ADGB: variants seen among roughly 807,000 people sequenced by gnomAD.
The protein encoded by ADGB is calpain-7-like protein.
In ADGB, 172 loss-of-function variants were observed where a neutral mutation model predicts 210.5. The ratio of observed to expected loss-of-function variants is 0.82; its 90% CI spans 0.72 to 0.93. ADGB has a LOEUF of 0.93. Among genes scored for constraint, ADGB ranks in the 40% least tolerant of loss-of-function variants. The pLI, the probability that ADGB is intolerant of heterozygous loss-of-function variation, is 0.00. For missense variants in ADGB, 2,025 were observed against 1,964.8 expected, an observed-to-expected ratio of 1.03 and a Z score of -0.58; for synonymous variants, 658 against 662.7, an observed-to-expected ratio of 0.99 and a Z score of 0.11.
At chr6:146,642,749 G>C (rs1402229877) in intron 2 of ADGB, among the ~76,000 whole-genome samples, 1 of 151,732 alleles carries the variant, frequency 6.6e-6, no homozygotes, top group Non-Finnish European at 1.5e-5. Flanking sequence ...ACAGACACTG[G>C]GATCTACTTG....
chr6:146,756,704 C>G (rs1777410746), intron 27 of ADGB, among the ~76,000 whole-genome samples: 1 of 151,756 alleles, frequency 6.6e-6, no homozygotes, highest in Admixed American at 6.6e-5. Flanking sequence ...TAGTACTACC[C>G]ACTCGACATC....
intron 35 of ADGB, among the ~76,000 whole-genome samples, chr6:146,810,298 A>G (rs939698939): frequency 2.0e-5 from 3 of 152,184 alleles, no homozygotes; most frequent in Admixed American, 2.0e-4. Flanking sequence ...CATAAAGACA[A>G]GAGATAAGTG....
intron 35 of ADGB, among the ~76,000 whole-genome samples, chr6:146,809,220 A>C (rs568186337): frequency 1.3e-5 from 2 of 152,232 alleles, no homozygotes; most frequent in East Asian, 3.9e-4. Context: ...TTGTCCCAAC[A>C]CTCAGCTTTT....
intron 33 of ADGB, among the ~76,000 whole-genome samples, chr6:146,791,644 T>G (rs1165282991): frequency 1.3e-5 from 2 of 152,176 alleles, no homozygotes; most frequent in East Asian, 3.9e-4. Flanking sequence ...TGGCCTAAGC[T>G]GATTCTTATA....
intron 32 of ADGB, among the ~76,000 whole-genome samples, chr6:146,786,363 C>T (rs908300709): frequency 1.3e-5 from 2 of 151,744 alleles, no homozygotes; most frequent in African/African-American, 2.4e-5. Flanking sequence ...CTGATTACAT[C>T]GATTGCCACA....
chr6:146,715,424 A>T lies in ADGB; in HGVS notation c.1741+9A>T. 1 of 1,491,746 alleles carries T rather than the reference A, an allele frequency of 6.7e-7. No individual in the cohort carries two copies. The highest frequency in any genetic ancestry group is 8.9e-7 in the Non-Finnish European group (1 of 1,118,730). 92.4% of individuals were successfully genotyped at this position (1,491,746 alleles called of 1,614,324 possible). ...AGTTATACTTGGAAAAGGTAAATTAATAATTTTCCTGTGACTTTTTTCAAT... is the reference window on the plus strand; with the variant it reads ...AGTTATACTTGGAAAAGGTAAATTATTAATTTTCCTGTGACTTTTTTCAAT... On this transcript the variant is annotated intron_variant, in intron 14 of 35. Transcript: ENST00000397944.
At chr6:146,701,804 C>A (rs1776494230) in intron 13 of ADGB, among the ~76,000 whole-genome samples, 1 of 151,934 alleles carries the variant, frequency 6.6e-6, no homozygotes, top group Non-Finnish European at 1.5e-5. Flanking sequence ...AGCATAGTTG[C>A]TATAGTTACC....
At chr6:146,808,717 T>C (rs1005709226) in intron 35 of ADGB, among the ~76,000 whole-genome samples, 1 of 152,194 alleles carries the variant, frequency 6.6e-6, no homozygotes, top group Non-Finnish European at 1.5e-5. Context: ...TATTGAGACA[T>C]GGTCTGGCTC....
At chr6:146,632,597 C>T (rs373191628) in intron 1 of ADGB, among the ~76,000 whole-genome samples, 230 of 152,224 alleles carry the variant, frequency 1.5e-3, no homozygotes, top group African/African-American at 5.5e-3. Context: ...TTATTTCCTC[C>T]TTATCTCTCT....
intron 1 of ADGB, among the ~76,000 whole-genome samples, chr6:146,632,383 T>G (rs1474847417): frequency 1.3e-5 from 2 of 152,172 alleles, no homozygotes; most frequent in African/African-American, 4.8e-5. Flanking sequence ...TGAGCACTCT[T>G]GGAGTTACTC....
At chr6:146,620,090 T>C (rs1780866605) in intron 1 of ADGB, among the ~76,000 whole-genome samples, 1 of 152,150 alleles carries the variant, frequency 6.6e-6, no homozygotes, top group Non-Finnish European at 1.5e-5. Flanking sequence ...ACTTTGAATA[T>C]CACATTCCAG....
intron 27 of ADGB, among the ~76,000 whole-genome samples, chr6:146,754,138 A>C (rs191243951): frequency 1.3e-3 from 204 of 151,580 alleles, no homozygotes; most frequent in Middle Eastern, 0.01. Flanking sequence ...TTTTTAGTGA[A>C]AAGTACAGAT....
At chr6:146,610,154 T>C (rs1259382941) in intron 1 of ADGB, among the ~76,000 whole-genome samples, 3 of 152,254 alleles carry the variant, frequency 2.0e-5, no homozygotes, top group African/African-American at 7.2e-5. Context: ...AATTGTGTTA[T>C]AAAATTCTTG....
chr6:146,673,614 G>A (rs538342415), intron 8 of ADGB, among the ~76,000 whole-genome samples: 155 of 152,136 alleles, frequency 1.0e-3, no homozygotes, highest in Non-Finnish European at 1.7e-3. Flanking sequence ...AATTAATCTA[G>A]TATTAGCTCT....
chr6:146,696,728 A>G (rs1426915897), intron 12 of ADGB, among the ~76,000 whole-genome samples: 1 of 152,190 alleles, frequency 6.6e-6, no homozygotes, highest in Non-Finnish European at 1.5e-5. Context: ...TCCTAAAAGG[A>G]GTAGACAATG....
At chr6:146,794,118 G>T (rs1328901232) in intron 33 of ADGB, among the ~76,000 whole-genome samples, 2 of 152,162 alleles carry the variant, frequency 1.3e-5, no homozygotes, top group African/African-American at 4.8e-5. Flanking sequence ...AGGGGCACTG[G>T]TAGGGTCTGA....
At chr6:146,715,249 G>A in intron 13 of ADGB, 133 bp from the exon 14 acceptor site, 1 of 754,942 alleles carries the variant, frequency 1.3e-6, no homozygotes, top group South Asian at 1.7e-5. Context: ...TTTTTGGTAG[G>A]TTTTAGTAAA....
chr6:146,708,174 A>G (rs1436472829), intron 13 of ADGB, among the ~76,000 whole-genome samples: 1 of 152,044 alleles, frequency 6.6e-6, no homozygotes, highest in East Asian at 1.9e-4. Flanking sequence ...TTGACAAATT[A>G]TTGCAATTAT....
chr6:146,704,899 T>C (rs1053215391), intron 13 of ADGB, among the ~76,000 whole-genome samples: 1 of 152,134 alleles, frequency 6.6e-6, no homozygotes, highest in African/African-American at 2.4e-5. Context: ...TAGATTACAT[T>C]GAATCTGTAC....
Sources: gnomAD v4.1 joint callset for allele counts (sites outside exome capture counted in the v4.1 genomes callset) on GRCh38, gnomAD v4.1.1 for gene constraint, MANE v1.5 for transcripts, NCBI Gene and HGNC (gene_info 2026-07-23, HGNC 2026-07-21) for gene names.